Variants in DDX54 observed in about 807,000 individuals in gnomAD.
The protein encoded by DDX54 is ATP-dependent RNA helicase DDX54.
DDX54 carries 67 observed loss-of-function variants against 105.5 expected under a neutral mutation model. The observed-to-expected ratio is 0.64, with a 90% CI of 0.52 to 0.78. DDX54 has a LOEUF of 0.78. DDX54 is among the 30% of genes least tolerant of loss of function. The pLI is 0.00. For missense variants in DDX54, 1,206 were observed against 1,230.5 expected, an observed-to-expected ratio of 0.98 and a Z score of 0.30; for synonymous variants, 514 against 509.9, an observed-to-expected ratio of 1.01 and a Z score of -0.11.
In DDX54 at chr12:113,175,150, CA is replaced by C; in HGVS notation, c.759del (p.Phe253LeufsTer59). 1.2e-6 allele frequency: 2 copies of C among 1,608,500 alleles called. No homozygotes were observed. The highest frequency in any genetic ancestry group is 1.7e-6 in the Non-Finnish European group (2 of 1,178,262). On this transcript the variant is annotated frameshift_variant, in exon 8 of 20. Transcript: ENST00000306014. LOFTEE classifies it high-confidence loss of function. The part of the protein sequence containing the change: ...YVVFDEADRL[F>X]EMGFAEQLQE... ...TGCAGCTGCTCTGCGAAACCCATTT[CA>C]AAAAGCCTGGAAGGGTAGAGGGCAG... is the stretch of plus-strand genomic sequence containing the variant.
chr12:113,167,040 C>T (rs1433696332), intron 12 of DDX54, among the ~76,000 whole-genome samples: 1 of 152,176 alleles, frequency 6.6e-6, no homozygotes, highest in Non-Finnish European at 1.5e-5. Flanking sequence ...AGGAAAGTAC[C>T]TGTTTTCTTT....
intron 14 of DDX54, 50 bp from the exon 15 acceptor site, chr12:113,164,335 C>T (rs1952248551): frequency 6.6e-7 from 1 of 1,513,328 alleles, no homozygotes; most frequent in African/African-American, 1.4e-5. Context: ...TACTCCTAAC[C>T]CCACCCTTAC....
At chr12:113,183,119 C>A (rs1343953211) in intron 1 of DDX54, among the ~76,000 whole-genome samples, 1 of 152,192 alleles carries the variant, frequency 6.6e-6, no homozygotes, top group Non-Finnish European at 1.5e-5. Context: ...CTCGGACTCC[C>A]AAAGTGCTGG....
intron 12 of DDX54, among the ~76,000 whole-genome samples, chr12:113,168,379 G>T (rs550440618): frequency 6.6e-6 from 1 of 152,226 alleles, no homozygotes; most frequent in East Asian, 1.9e-4. Flanking sequence ...GGGCCTCTGG[G>T]GGGGCCTGAA....
chr12:113,185,461 G>C lies in DDX54; in HGVS notation c.-10C>G. On this transcript the variant is annotated 5_prime_UTR_variant, in exon 1 of 20. Coordinates refer to ENST00000306014, the MANE Select transcript of DDX54 (RefSeq NM_024072.4). ...CCTTGTCGGCCGCCATTCGGGCCGC[G>C]CGCTGGGAACGCAGAAGGGGGCGTG... The C allele has an allele frequency of 6.7e-7, 1 of 1,496,570 alleles. No homozygotes were observed. Among genetic ancestry groups the C allele is most frequent in the Admixed American group, 2.2e-5 (1 of 45,582 alleles). 92.7% of individuals were successfully genotyped at this position (1,496,570 alleles called of 1,614,324 possible). A position where few individuals can be genotyped will look rare whatever the true frequency, so the allele number is the denominator to read the frequency against.
rs760500358 is a variant in DDX54, at chr12:113,172,421, A to G, written c.1211T>C (p.Ile404Thr). 1 of 1,614,228 alleles carries G rather than the reference A, an allele frequency of 6.2e-7. No homozygotes were observed. The highest frequency in any genetic ancestry group is 1.1e-5 in the South Asian group (1 of 91,082). Residue 404 changes from isoleucine to threonine, a missense_variant, in exon 11 of 20, where the codon ATC (isoleucine) becomes ACC (threonine). By Grantham distance (89) the Ile-to-Thr change is moderately conservative. Around this residue, in one of 3 missense-constraint regions of DDX54, gnomAD observed 961 missense variants for 1,019.1 expected, o/e 0.94. Coordinates refer to ENST00000306014, the MANE Select transcript of DDX54 (RefSeq NM_024072.4). ...GTTGATGACATTGTCCAGCAGCGGG[A>G]TGTCCAGGCCTCGGGCGGCCAGGTC... ...VTDLAARGLDIPLLDNVINYS... is the reference protein window; with the variant it reads ...VTDLAARGLDTPLLDNVINYS...
rs1952261308 is a variant in DDX54 at position 113,165,579 on chromosome 12, G to A, written c.1719+65C>T. 9.4e-6 allele frequency: 14 copies of A among 1,494,214 alleles called. No individual in the cohort carries two copies. The South Asian group carries it at 1.8e-4, about 19-fold the overall frequency. 92.6% of individuals were successfully genotyped at this position (1,494,214 alleles called of 1,614,324 possible). On this transcript the variant is annotated intron_variant, in intron 14 of 19. Coordinates refer to ENST00000306014, the MANE Select transcript of DDX54 (RefSeq NM_024072.4). ...GTCACTGTGTGACCCCAGGCCACAG[G>A]CCATCTGTCTCTGGGCTCCACAGAG...
At chr12:113,172,208 G>C (rs1195865740) in intron 11 of DDX54, 145 bp downstream of exon 11, 3 of 915,942 alleles carry the variant, frequency 3.3e-6, no homozygotes, top group South Asian at 1.7e-5. Context: ...TTTGAGACCA[G>C]CTTAAGCAAT....
Position 113,161,345 on chromosome 12 carries a change from G to T in DDX54, c.2338C>A (p.Arg780Ser). Reference protein sequence around the residue: ...KWKQKQKIDDRDSDEEGASDR... With the variant: ...KWKQKQKIDDSDSDEEGASDR... Reference sequence around the variant, plus strand: ...GATGCCCCTTCTTCGTCCGAGTCACGATCATCAATTTTCTGTTTCTGTTTC... The same window carrying T: ...GATGCCCCTTCTTCGTCCGAGTCACTATCATCAATTTTCTGTTTCTGTTTC... Residue 780 changes from arginine (R) to serine (S), a missense_variant, in exon 19 of 20, where the codon CGT becomes AGT. This residue lies in a region of DDX54 where 961 missense variants were observed against 1,019.1 expected (regional missense o/e 0.94). Coordinates refer to ENST00000306014, the MANE Select transcript of DDX54 (RefSeq NM_024072.4). 4 of 1,613,274 alleles carry T rather than the reference G, an allele frequency of 2.5e-6. No individual in the cohort carries two copies. The highest frequency in any genetic ancestry group is 3.4e-6 in the Non-Finnish European group (4 of 1,179,616).
Position 113,163,230 on chromosome 12 carries a change from T to C in DDX54, c.1983A>G (p.Gly661=), listed in dbSNP as rs764717448. 3.7e-6 allele frequency: 6 copies of C among 1,611,182 alleles called. No homozygotes were observed. The highest frequency in any genetic ancestry group is 5.1e-6 in the Non-Finnish European group (6 of 1,179,972). The change falls in exon 16 of 20, where the codon GGA becomes GGG. Residue 661 remains glycine (G), a synonymous_variant. Coordinates refer to ENST00000306014, the MANE Select transcript of DDX54 (RefSeq NM_024072.4). This position sits in a 1 kb window ranked among gnomAD's most constrained non-coding sequence, Gnocchi z 5.9. The part of the protein sequence containing the change: ...EVVGRKRQRS[G]PNRGAKRRRE... Reference sequence around the variant, plus strand: ...TCCGCCTCTTGGCTCCCCTGTTGGGTCCTGACCGCTGCCGCTTCCGGCCCA... The same window carrying C: ...TCCGCCTCTTGGCTCCCCTGTTGGGCCCTGACCGCTGCCGCTTCCGGCCCA...
At chr12:113,179,060 G>C (rs759484467) in intron 4 of DDX54, 34 bp from the exon 5 acceptor site, 1 of 1,613,864 alleles carries the variant, frequency 6.2e-7, no homozygotes. Flanking sequence ...GAGGGCAGGG[G>C]TGAGATGACA....
At position 113,163,162 on chromosome 12, in the gene DDX54, T is replaced by C. The variant is rs1566093381; in HGVS notation, c.2051A>G (p.Tyr684Cys). ...RQRDQEFYIP[Y>C]RPKDFDSERG... ...CTCGCTGTCAAAGTCCTTGGGCCGG[T>C]AGGGGATGTAGAATTCCTGGTCCCG... Residue 684 changes from tyrosine (Y) to cysteine (C), a missense_variant, in exon 16 of 20, where the codon TAC becomes TGC. By Grantham distance (194) the Tyr-to-Cys change is radical. Around this residue, in one of 3 missense-constraint regions of DDX54, gnomAD observed 961 missense variants for 1,019.1 expected, o/e 0.94. Coordinates refer to ENST00000306014, the MANE Select transcript of DDX54 (RefSeq NM_024072.4). This position sits in a 1 kb window ranked among gnomAD's most constrained non-coding sequence, Gnocchi z 5.9. 7 of 1,613,146 alleles carry C rather than the reference T, an allele frequency of 4.3e-6. No individual in the cohort carries two copies. The highest frequency in any genetic ancestry group is 5.9e-6 in the Non-Finnish European group (7 of 1,179,988).
Position 113,165,658 on chromosome 12 carries a change from A to G in DDX54, c.1705T>C (p.Tyr569His), listed in dbSNP as rs1438000683. The part of the protein sequence containing the change: ...RLRLVDSIKN[Y>H]RSRATIFEIN... ...GCCCCACTCACCGCCCGGGAGCGGT[A>G]GTTCTTTATGCTGTCCACCAGCCTC... Residue 569 changes from tyrosine to histidine, a missense_variant, in exon 14 of 20, where the codon TAC becomes CAC. By Grantham distance (83) the Tyr-to-His change is moderately conservative. Around this residue, in one of 3 missense-constraint regions of DDX54, gnomAD observed 961 missense variants for 1,019.1 expected, o/e 0.94. Coordinates refer to ENST00000306014, the MANE Select transcript of DDX54 (RefSeq NM_024072.4). 1 of 1,610,996 alleles carries G rather than the reference A, an allele frequency of 6.2e-7. No homozygotes were observed. Among genetic ancestry groups the G allele is most frequent in the African/African-American group, 1.3e-5 (1 of 74,882 alleles).
intron 12 of DDX54, among the ~76,000 whole-genome samples, chr12:113,166,477 G>A (rs907050977): frequency 6.6e-6 from 1 of 152,128 alleles, no homozygotes; most frequent in Non-Finnish European, 1.5e-5. Context: ...GAGGCAGGAG[G>A]ATCACTTGAG....
chr12:113,165,462 C>A (rs1375250246), intron 14 of DDX54, among the ~76,000 whole-genome samples, 182 bp downstream of exon 14: 1 of 151,014 alleles, frequency 6.6e-6, no homozygotes, highest in Non-Finnish European at 1.5e-5. Context: ...GCCAAGGCTG[C>A]AGGTTAAGAA....
intron 10 of DDX54, among the ~76,000 whole-genome samples, chr12:113,173,251 G>A (rs964850604): frequency 1.3e-5 from 2 of 152,148 alleles, no homozygotes; most frequent in Non-Finnish European, 2.9e-5. Flanking sequence ...CAGGTACTTC[G>A]GAGGCTGAGG....
rs147593229 is a variant in DDX54 at position 113,180,950 on chromosome 12, A to ACTTCTT, written c.277_282dup (p.Lys93_Lys94dup). ...CCACCCATGGACTGGAAGCCTCCAG[A>ACTTCTT]CTTCTTCTTCTTCTTGTTCTGGGCA... is the stretch of plus-strand genomic sequence containing the variant. On this transcript the variant is annotated inframe_insertion, in exon 2 of 20. Transcript: ENST00000306014. 6.2e-7 allele frequency: 1 copy of ACTTCTT among 1,609,016 alleles called. No individual in the cohort carries two copies. The highest frequency in any genetic ancestry group is 2.3e-5 in the East Asian group (1 of 44,414).
At chr12:113,183,101 C>A (rs1010833729) in intron 1 of DDX54, among the ~76,000 whole-genome samples, 26 of 152,236 alleles carry the variant, frequency 1.7e-4, no homozygotes, top group Admixed American at 1.4e-3. Context: ...ATCAAGTGAT[C>A]CTCACTCCTC....
At chr12:113,175,612 C>A (rs966537494) in intron 7 of DDX54, among the ~76,000 whole-genome samples, 1 of 152,136 alleles carries the variant, frequency 6.6e-6, no homozygotes, top group Non-Finnish European at 1.5e-5. Context: ...CACAGTGAAA[C>A]CCCGTCTCTA....
Sources: gnomAD v4.1 joint callset for allele counts (sites outside exome capture counted in the v4.1 genomes callset) on GRCh38, gnomAD v4.1.1 for gene constraint, gnomAD v4.1.1 regional missense constraint, Gnocchi (gnomAD v3.1) non-coding constraint, MANE v1.5 for transcripts, NCBI Gene and HGNC (gene_info 2026-07-23, HGNC 2026-07-21) for gene names.